The following PRKG1 variants were observed in gnomAD, a reference collection of about 807,000 sequenced individuals.
The protein encoded by PRKG1 is protein kinase cGMP-dependent 1.
Under a neutral mutation model 88.1 loss-of-function variants are expected in PRKG1, and 35 were observed. The observed-to-expected ratio is 0.40, with a 90% CI of 0.30 to 0.53. The LOEUF is 0.53. Among genes scored for constraint, PRKG1 ranks in the 20% least tolerant of loss-of-function variants. PRKG1 has a pLI of 0.59. For missense variants in PRKG1, 540 were observed against 839.8 expected (o/e 0.64, Z 4.41); for synonymous variants, 303 against 292.5 (o/e 1.04, Z -0.37).
intron 2 of PRKG1, among the ~76,000 whole-genome samples, chr10:51,232,344 G>T (rs1299049398): frequency 6.6e-6 from 1 of 152,162 alleles, no homozygotes; most frequent in Admixed American, 6.6e-5. Context: ...GATTGGCTGT[G>T]CCATCTTTTA....
chr10:51,170,462 A>T (rs1846674412), intron 2 of PRKG1, among the ~76,000 whole-genome samples: 1 of 151,598 alleles, frequency 6.6e-6, no homozygotes, highest in East Asian at 1.9e-4. Flanking sequence ...ACACACACAC[A>T]CACACACAAC....
At chr10:51,565,072 T>A (rs1837564467) in intron 3 of PRKG1, among the ~76,000 whole-genome samples, 1 of 151,758 alleles carries the variant, frequency 6.6e-6, no homozygotes, top group Admixed American at 6.6e-5. Context: ...GCTCAGAGAG[T>A]GAATAGTACT....
rs536138567 is a variant in PRKG1 at position 52,295,716 on chromosome 10, A to G, written c.*1816A>G. The G allele has an allele frequency of 6.6e-6, 1 of 152,120 alleles. No individual in the cohort carries two copies. The highest frequency in any genetic ancestry group is 2.1e-4 in the South Asian group (1 of 4,828). 9.4% of individuals were successfully genotyped at this position (152,120 alleles called of 1,614,324 possible). On this transcript the variant is annotated 3_prime_UTR_variant, in exon 18 of 18. Coordinates refer to ENST00000373980, the MANE Select transcript of PRKG1 (RefSeq NM_006258.4). ...GAAGAAAAAGTCCAATTAGATCATT[A>G]CACCTTAACTAAGAAGGCAAATCTT...
chr10:52,059,415 A>ATT (rs1846183857), intron 6 of PRKG1, among the ~76,000 whole-genome samples: 1 of 121,076 alleles, frequency 8.3e-6, no homozygotes, highest in Admixed American at 9.6e-5. Context: ...AAATAAACAA[A>ATT]TTGTGTCATA....
chr10:51,117,006 A>T (rs905227331), intron 1 of PRKG1, among the ~76,000 whole-genome samples: 4 of 151,878 alleles, frequency 2.6e-5, no homozygotes, highest in Non-Finnish European at 5.9e-5. Flanking sequence ...GAGATAATGG[A>T]GAAACGTACT....
chr10:51,800,120 A>T (rs928874221), intron 3 of PRKG1, among the ~76,000 whole-genome samples: 2 of 152,066 alleles, frequency 1.3e-5, no homozygotes, highest in African/African-American at 4.8e-5. Flanking sequence ...GTAACAAATC[A>T]TACTGTGGTT....
At chr10:51,035,132 G>C (rs754870978) in intron 1 of PRKG1, among the ~76,000 whole-genome samples, 19 of 152,102 alleles carry the variant, frequency 1.2e-4, no homozygotes, top group Non-Finnish European at 2.4e-4. Context: ...GGGTTCAGAT[G>C]CCTGCATTTA....
chr10:51,067,045 T>A (rs1477867221), intron 1 of PRKG1, among the ~76,000 whole-genome samples: 1 of 151,828 alleles, frequency 6.6e-6, no homozygotes, highest in East Asian at 1.9e-4. Context: ...ATACAACTAC[T>A]TTTTTTTCTT....
chr10:52,278,461 G>C (rs1589754361), intron 12 of PRKG1, among the ~76,000 whole-genome samples: 1 of 152,054 alleles, frequency 6.6e-6, no homozygotes, highest in Admixed American at 6.6e-5. Context: ...CCATTACTGG[G>C]TATATACCCA....
At chr10:51,579,587 G>A (rs1014260566) in intron 3 of PRKG1, among the ~76,000 whole-genome samples, 2 of 151,886 alleles carry the variant, frequency 1.3e-5, no homozygotes, top group African/African-American at 4.8e-5. Context: ...TTTTTATTTG[G>A]AATACAAAGT....
intron 1 of PRKG1, among the ~76,000 whole-genome samples, chr10:51,091,076 G>A (rs889687989): frequency 6.6e-6 from 1 of 152,140 alleles, no homozygotes; most frequent in Non-Finnish European, 1.5e-5. Flanking sequence ...CTGCTTGCCT[G>A]TAGAGGAATA....
At chr10:51,362,238 G>A (rs1288065266) in intron 2 of PRKG1, among the ~76,000 whole-genome samples, 1 of 151,728 alleles carries the variant, frequency 6.6e-6, no homozygotes, top group Non-Finnish European at 1.5e-5. Flanking sequence ...GGGCTCAAGG[G>A]ATCCTCCAGT....
At position 51,027,753 on chromosome 10, in the gene PRKG1, A is replaced by G. The variant is rs552505574; in HGVS notation, c.266+36109A>G. Among the ~76,000 whole-genome samples the G allele has an allele frequency of 5.3e-5, 8 of 152,194 alleles. 1 individual carries two copies. The highest frequency in any genetic ancestry group is 2.1e-4 in the South Asian group (1 of 4,832). On this transcript the variant is annotated intron_variant, in intron 1 of 17. Coordinates refer to the PRKG1 transcript ENST00000401604. Reference sequence around the variant, plus strand: ...ACTTTCAGAGATCATTATGTTAACAAGATCAAAATGGTGCTACACCAAGTG... The same window carrying G: ...ACTTTCAGAGATCATTATGTTAACAGGATCAAAATGGTGCTACACCAAGTG...
At chr10:52,063,458 C>T (rs1589571147) in intron 7 of PRKG1, among the ~76,000 whole-genome samples, 1 of 152,232 alleles carries the variant, frequency 6.6e-6, no homozygotes, top group Admixed American at 6.5e-5. Flanking sequence ...GGTCTGGGCC[C>T]CCCAAAGGGC....
chr10:51,074,856 A>G lies in PRKG1; in HGVS notation c.266A>G (p.Gln89Arg). ...ISAEPTAFDI[Q>R]DLSHVTLPFY... ...GCCGAGCCCACCGCCTTCGACATCC[A>G]GGATCTCAGCCATGTGACCCTGCCC... Residue 89 changes from glutamine to arginine, a missense_variant, in exon 1 of 18, where the codon CAG (glutamine) becomes CGG (arginine). Gln to Arg is a conservative substitution (Grantham distance 43). This residue lies in a region of PRKG1 where 400 missense variants were observed against 562.7 expected (regional missense o/e 0.71). Transcript: ENST00000373980. The G allele has an allele frequency of 3.1e-6, 5 of 1,613,340 alleles. 1 individual carries two copies. The highest frequency in any genetic ancestry group is 2.5e-6 in the Non-Finnish European group (3 of 1,179,558).
At chr10:51,587,946 A>T (rs972208907) in intron 3 of PRKG1, among the ~76,000 whole-genome samples, 1 of 152,224 alleles carries the variant, frequency 6.6e-6, no homozygotes, top group Non-Finnish European at 1.5e-5. Context: ...ATTAAAACAG[A>T]TGCAGAACCT....
intron 3 of PRKG1, among the ~76,000 whole-genome samples, chr10:51,700,465 A>G (rs908035995): frequency 2.6e-5 from 4 of 152,212 alleles, no homozygotes; most frequent in African/African-American, 9.6e-5. Flanking sequence ...TCTGATTTTT[A>G]TTATATCATG....
intron 4 of PRKG1, among the ~76,000 whole-genome samples, chr10:51,896,864 G>A (rs1937666): frequency 0.48 from 73,474 of 151,730 alleles, 17,997 homozygotes; most frequent in East Asian, 0.63. Flanking sequence ...TTGTATCTCA[G>A]GAGTGGTTTG....
At chr10:51,827,940 T>G (rs1839916191) in intron 4 of PRKG1, among the ~76,000 whole-genome samples, 1 of 152,112 alleles carries the variant, frequency 6.6e-6, no homozygotes, top group African/African-American at 2.4e-5. Flanking sequence ...AACTTTTTAT[T>G]TATGATAATT....
Sources: gnomAD v4.1 joint callset for allele counts (sites outside exome capture counted in the v4.1 genomes callset) on GRCh38, gnomAD v4.1.1 for gene constraint, gnomAD v4.1.1 regional missense constraint, MANE v1.5 for transcripts, NCBI Gene and HGNC (gene_info 2026-07-23, HGNC 2026-07-21) for gene names.